The following SLC44A5 variants were observed in gnomAD, a reference collection of about 807,000 sequenced individuals.
SLC44A5 encodes solute carrier family 44 member 5, also known as choline transporter-like protein 5.
SLC44A5 carries 57 observed loss-of-function variants against 101.8 expected under a neutral mutation model. The ratio of observed to expected loss-of-function variants is 0.56; its 90% CI spans 0.45 to 0.70. The LOEUF is 0.70. Ranked by LOEUF, SLC44A5 falls within the 30% of genes least tolerant of loss-of-function variation. The pLI, the probability that SLC44A5 is intolerant of heterozygous loss-of-function variation, is 0.00. For synonymous variants in SLC44A5, 281 were observed against 290.9 expected (o/e 0.97, Z 0.35); for missense variants, 737 against 853.1 (o/e 0.86, Z 1.70).
the SLC44A5 span, among the ~76,000 whole-genome samples, chr1:75,667,901 A>T: frequency 6.6e-6 from 1 of 152,248 alleles, no homozygotes; most frequent in African/African-American, 2.4e-5. Context: ...TTTTATTCGA[A>T]GAATATGGAA....
At chr1:75,391,379 A>G (rs780525578) in intron 3 of SLC44A5, among the ~76,000 whole-genome samples, 1 of 152,220 alleles carries the variant, frequency 6.6e-6, no homozygotes, top group Non-Finnish European at 1.5e-5. Context: ...AAACCAAAAA[A>G]GAGCCCAAAT....
intron 2 of SLC44A5, among the ~76,000 whole-genome samples, chr1:75,412,212 G>C (rs180941645): frequency 6.6e-6 from 1 of 151,940 alleles, no homozygotes; most frequent in African/African-American, 2.4e-5. Context: ...TTTAATCTTT[G>C]TATCTCCAGC....
the SLC44A5 span, among the ~76,000 whole-genome samples, chr1:75,671,240 C>T: frequency 5.3e-5 from 8 of 152,108 alleles, no homozygotes; most frequent in Non-Finnish European, 8.8e-5. Flanking sequence ...ATAAAAGAAG[C>T]AGTTGGTGTG....
intron 2 of SLC44A5, among the ~76,000 whole-genome samples, chr1:75,422,238 C>T (rs1557768676): frequency 6.6e-6 from 1 of 152,166 alleles, no homozygotes; most frequent in Non-Finnish European, 1.5e-5. Flanking sequence ...TTAGAGTCAT[C>T]TAATAGTTCT....
chr1:75,297,450 A>G (rs1654053546), intron 5 of SLC44A5, among the ~76,000 whole-genome samples: 1 of 151,930 alleles, frequency 6.6e-6, no homozygotes, highest in African/African-American at 2.4e-5. Context: ...ACACCTGGCT[A>G]ATTTTTGTAT....
At chr1:75,296,543 AT>A (rs915971753) in intron 5 of SLC44A5, among the ~76,000 whole-genome samples, 2 of 151,684 alleles carry the variant, frequency 1.3e-5, no homozygotes, top group Non-Finnish European at 2.9e-5. Flanking sequence ...CCTGAGGACA[AT>A]TTTTTTTAGC....
At chr1:75,352,598 A>AC (rs924691852) in intron 3 of SLC44A5, among the ~76,000 whole-genome samples, 4 of 151,818 alleles carry the variant, frequency 2.6e-5, no homozygotes, top group African/African-American at 9.7e-5. Flanking sequence ...ATTATTATAT[A>AC]CCCCCCAAAG....
chr1:75,313,229 C>A (rs945435235), intron 4 of SLC44A5, among the ~76,000 whole-genome samples: 1 of 152,110 alleles, frequency 6.6e-6, no homozygotes, highest in Non-Finnish European at 1.5e-5. Flanking sequence ...TTTTCAGCTC[C>A]AAAAAGATGC....
At chr1:75,456,170 C>T (rs1305792008) in intron 2 of SLC44A5, among the ~76,000 whole-genome samples, 1 of 151,990 alleles carries the variant, frequency 6.6e-6, no homozygotes, top group Admixed American at 6.6e-5. Context: ...TGGAATACTA[C>T]AGTCATAAAA....
At position 75,242,893 on chromosome 1, in the gene SLC44A5, G is replaced by T. The variant is rs773700363; in HGVS notation, c.464C>A (p.Pro155His). ...AAGCTTAAACACACATACCTTCACA[G>T]GCTTAGCAGTGGTCTTACAGAACTG... ...YRQFCKTTAK[P>H]VKSLTQLLLD... The change falls in exon 8 of 24, where the codon CCT (proline) becomes CAT (histidine). Residue 155 changes from proline to histidine, a missense_variant. Transcript: ENST00000370859. The T allele has an allele frequency of 4.4e-6, 7 of 1,606,778 alleles. No homozygotes were observed. Among genetic ancestry groups the T allele is most frequent in the Non-Finnish European group, 5.9e-6 (7 of 1,176,796 alleles).
At chr1:75,215,889 G>C (rs370792420) in intron 18 of SLC44A5, 32 bp from the exon 19 acceptor site, 1 of 1,159,098 alleles carries the variant, frequency 8.6e-7, no homozygotes, top group Non-Finnish European at 1.3e-6. Context: ...ATCTATTAAT[G>C]ATTTGCAGCT....
chr1:75,314,021 T>A (rs1216735539), intron 4 of SLC44A5, among the ~76,000 whole-genome samples: 4 of 152,218 alleles, frequency 2.6e-5, no homozygotes, highest in African/African-American at 9.6e-5. Flanking sequence ...AAGCAGATAA[T>A]AAGGTGAATG....
intron 3 of SLC44A5, among the ~76,000 whole-genome samples, chr1:75,352,023 A>C (rs1658715067): frequency 6.6e-6 from 1 of 151,934 alleles, no homozygotes; most frequent in African/African-American, 2.4e-5. Flanking sequence ...TTGAAGCAAA[A>C]CTGGAATCTG....
At chr1:75,222,053 G>A (rs535017969) in intron 14 of SLC44A5, among the ~76,000 whole-genome samples, 4 of 150,686 alleles carry the variant, frequency 2.7e-5, no homozygotes, top group East Asian at 2.0e-4. Context: ...TCTGCCTTCC[G>A]GTTCAAGTGA....
At chr1:75,262,625 A>C (rs1204151554) in intron 6 of SLC44A5, among the ~76,000 whole-genome samples, 1 of 152,218 alleles carries the variant, frequency 6.6e-6, no homozygotes, top group African/African-American at 2.4e-5. Context: ...GAATTGGAAA[A>C]AACTACTTAA....
intron 6 of SLC44A5, among the ~76,000 whole-genome samples, chr1:75,259,915 A>G (rs1650347340): frequency 6.6e-6 from 1 of 152,306 alleles, no homozygotes; most frequent in Admixed American, 6.5e-5. Flanking sequence ...CCAGAATTTC[A>G]TATCCAGCCA....
chr1:75,710,874 CTAATA>C, the SLC44A5 span, among the ~76,000 whole-genome samples: 2 of 152,176 alleles, frequency 1.3e-5, no homozygotes, highest in Non-Finnish European at 2.9e-5. Context: ...TTAGAAACAA[CTAATA>C]TAATCATCTC....
At chr1:75,226,839 C>T (rs1647207501) in intron 13 of SLC44A5, among the ~76,000 whole-genome samples, 1 of 151,934 alleles carries the variant, frequency 6.6e-6, no homozygotes, top group African/African-American at 2.4e-5. Context: ...AGATTAAAAC[C>T]ATCACTAAAA....
chr1:75,708,922 A>T, the SLC44A5 span, among the ~76,000 whole-genome samples: 1 of 152,180 alleles, frequency 6.6e-6, no homozygotes, highest in Non-Finnish European at 1.5e-5. Context: ...ATCTTATTTT[A>T]AAAATAAGTC....
Sources: allele counts gnomAD v4.1 joint callset (sites outside exome capture counted in the v4.1 genomes callset), GRCh38; gene constraint gnomAD v4.1.1; transcripts MANE v1.5; gene names NCBI Gene and HGNC (gene_info 2026-07-23, HGNC 2026-07-21).